AUTS2: variants seen among roughly 807,000 people sequenced by gnomAD.
AUTS2 encodes autism susceptibility gene 2 protein.
In AUTS2, 17 loss-of-function variants were observed where a neutral mutation model predicts 112.4. The observed-to-expected ratio is 0.15, with a 90% CI of 0.10 to 0.23. The LOEUF (loss-of-function observed/expected upper bound fraction) is 0.23, where lower values mean the gene tolerates loss of function less well. Ranked by LOEUF, AUTS2 falls within the 10% of genes least tolerant of loss-of-function variation. The pLI, the probability that AUTS2 is intolerant of heterozygous loss-of-function variation, is 1.00. For synonymous variants in AUTS2, 751 were observed against 702.7 expected (o/e 1.07, Z -1.09); for missense variants, 1,510 against 1,701.6 (o/e 0.89, Z 1.98).
chr7:69,744,282 C>A (rs1015373768), intron 1 of AUTS2, among the ~76,000 whole-genome samples: 4 of 152,122 alleles, frequency 2.6e-5, no homozygotes, highest in African/African-American at 9.7e-5. Flanking sequence ...ATGTACAAAT[C>A]TTTGTGCAGC....
chr7:69,797,592 T>C (rs1789902711), intron 1 of AUTS2, among the ~76,000 whole-genome samples: 1 of 152,208 alleles, frequency 6.6e-6, no homozygotes, highest in African/African-American at 2.4e-5. Context: ...GAGCCTGCGC[T>C]TGGAGGCCAC....
At chr7:70,102,531 T>TCACA (rs141456617) in intron 2 of AUTS2, among the ~76,000 whole-genome samples, 7 of 149,856 alleles carry the variant, frequency 4.7e-5, no homozygotes, top group African/African-American at 1.5e-4. Context: ...TTTGGTTAGA[T>TCACA]CACACACACA....
chr7:70,392,027 G>A (rs142715768), intron 4 of AUTS2, among the ~76,000 whole-genome samples: 1,622 of 152,166 alleles, frequency 0.011, 12 homozygotes, highest in Middle Eastern at 0.02. Context: ...AGTTTCCCCC[G>A]GGAAATTCTC....
At chr7:69,868,301 G>A (rs528555114) in intron 1 of AUTS2, among the ~76,000 whole-genome samples, 2 of 152,164 alleles carry the variant, frequency 1.3e-5, no homozygotes, top group South Asian at 2.1e-4. Context: ...TAGTGCAAGC[G>A]GTAGACCATT....
chr7:70,024,247 C>T, intron 2 of AUTS2, among the ~76,000 whole-genome samples: 1 of 152,264 alleles, frequency 6.6e-6, no homozygotes, highest in South Asian at 2.1e-4. Flanking sequence ...CTAATTATGT[C>T]CTAATGCAAT....
At chr7:69,715,918 G>T (rs1367950554) in intron 1 of AUTS2, among the ~76,000 whole-genome samples, 1 of 152,160 alleles carries the variant, frequency 6.6e-6, no homozygotes, top group Non-Finnish European at 1.5e-5. Flanking sequence ...AGGTGCCAGA[G>T]ATCTTTTCTC....
chr7:69,803,675 G>A (rs573923991), intron 1 of AUTS2, among the ~76,000 whole-genome samples: 4 of 152,164 alleles, frequency 2.6e-5, no homozygotes, highest in Non-Finnish European at 4.4e-5. Flanking sequence ...TCCCGGGGAG[G>A]CCTCTAACAG....
intron 1 of AUTS2, among the ~76,000 whole-genome samples, chr7:69,720,240 T>G (rs922814475): frequency 2.0e-5 from 3 of 152,222 alleles, no homozygotes; most frequent in Admixed American, 6.5e-5. Context: ...TCTGGTGTTT[T>G]GAGTTTTGGT....
intron 1 of AUTS2, among the ~76,000 whole-genome samples, chr7:69,862,550 CT>C (rs1050383416): frequency 6.6e-6 from 1 of 151,876 alleles, no homozygotes; most frequent in Admixed American, 6.6e-5. Context: ...ATCTCTTTTG[CT>C]TTTTTTTAGG....
chr7:69,786,956 A>G (rs2129320650), intron 1 of AUTS2, among the ~76,000 whole-genome samples: 1 of 152,340 alleles, frequency 6.6e-6, no homozygotes, highest in Admixed American at 6.5e-5. Flanking sequence ...TCATGCTCTA[A>G]AAAGTTTGAA....
intron 5 of AUTS2, among the ~76,000 whole-genome samples, chr7:70,487,093 A>G (rs924763227): frequency 6.6e-6 from 1 of 152,054 alleles, no homozygotes; most frequent in Non-Finnish European, 1.5e-5. Context: ...AGTTGGTATG[A>G]TAGGAGCGTT....
intron 4 of AUTS2, among the ~76,000 whole-genome samples, chr7:70,182,486 A>T (rs1809370358): frequency 6.6e-6 from 1 of 152,202 alleles, no homozygotes; most frequent in African/African-American, 2.4e-5. Context: ...CCATATGGTA[A>T]TTGCCTCCAA....
At chr7:70,246,890 C>T (rs570789217) in intron 4 of AUTS2, among the ~76,000 whole-genome samples, 1 of 151,674 alleles carries the variant, frequency 6.6e-6, no homozygotes, top group Non-Finnish European at 1.5e-5. Flanking sequence ...TGGTTTTTCT[C>T]TATATGTTTT....
chr7:70,618,734 A>G (rs7777469), intron 5 of AUTS2, among the ~76,000 whole-genome samples: 1 of 144,924 alleles, frequency 6.9e-6, no homozygotes, highest in Non-Finnish European at 1.5e-5. Context: ...GAGAGAGAGA[A>G]AGAGAGAGAG....
chr7:70,032,799 T>C (rs1318825162), intron 2 of AUTS2, among the ~76,000 whole-genome samples: 1 of 151,946 alleles, frequency 6.6e-6, no homozygotes, highest in Admixed American at 6.6e-5. Context: ...CCTGTAATTA[T>C]GCTATGTTGG....
At chr7:70,469,149 C>T (rs1212114703) in intron 5 of AUTS2, among the ~76,000 whole-genome samples, 5 of 152,182 alleles carry the variant, frequency 3.3e-5, no homozygotes, top group Non-Finnish European at 7.3e-5. Context: ...TGTTACATGC[C>T]AGTCATATAT....
At chr7:70,250,511 G>T (rs539702708) in intron 4 of AUTS2, among the ~76,000 whole-genome samples, 1 of 152,120 alleles carries the variant, frequency 6.6e-6, no homozygotes, top group African/African-American at 2.4e-5. Flanking sequence ...TATATACCAC[G>T]CTGTTCTCAT....
At chr7:70,393,453 A>G (rs1357094801) in intron 4 of AUTS2, among the ~76,000 whole-genome samples, 1 of 151,804 alleles carries the variant, frequency 6.6e-6, no homozygotes, top group Non-Finnish European at 1.5e-5. Context: ...ATTTCACTGG[A>G]TCTTACTGGG....
At chr7:70,592,766 G>A (rs1017365811) in intron 5 of AUTS2, among the ~76,000 whole-genome samples, 1 of 152,162 alleles carries the variant, frequency 6.6e-6, no homozygotes, top group Non-Finnish European at 1.5e-5. Context: ...GTATACAATA[G>A]GGGTGTCATT....
Sources: allele counts gnomAD v4.1 joint callset (sites outside exome capture counted in the v4.1 genomes callset), GRCh38; gene constraint gnomAD v4.1.1; transcripts MANE v1.5; gene names NCBI Gene and HGNC (gene_info 2026-07-23, HGNC 2026-07-21).